The following GTPBP4 variants were observed in gnomAD, a reference collection of about 807,000 sequenced individuals.
GTPBP4 encodes the protein GTP-binding protein 4.
In GTPBP4, 15 loss-of-function variants were observed where a neutral mutation model predicts 81.7. The ratio of observed to expected loss-of-function variants is 0.18; its 90% CI spans 0.12 to 0.28. The LOEUF (loss-of-function observed/expected upper bound fraction) is 0.28. Among genes scored for constraint, GTPBP4 ranks in the 10% least tolerant of loss-of-function variants. The probability of loss-of-function intolerance (pLI) is 1.00; values close to 1 mark genes in which losing one functional copy is unlikely to be tolerated. For missense variants in GTPBP4, 847 were observed against 793.8 expected (o/e 1.07, Z -0.81); for synonymous variants, 272 against 274.6 (o/e 0.99, Z 0.09).
chr10:989,095 C>T (rs1304709947), intron 1 of GTPBP4: 1 of 147,474 alleles, frequency 6.8e-6, no homozygotes, highest in African/African-American at 2.5e-5. Flanking sequence ...AATGAGTCAA[C>T]AAGTGTTGAG....
chr10:995,981 A>G lies in GTPBP4; in HGVS notation c.272A>G (p.His91Arg), dbSNP rs748194519. 5.6e-6 allele frequency: 9 copies of G among 1,612,370 alleles called. No individual in the cohort carries two copies. The highest frequency in any genetic ancestry group is 6.8e-6 in the Non-Finnish European group (8 of 1,178,462). ...DLMNILYDKD[H>R]YKLALGQINI... ...ATGAATATTCTCTACGACAAGGATC[A>G]TTACAAGTTGGCTCTGGGGCAAATA... Residue 91 changes from histidine (H) to arginine (R), a missense_variant, in exon 3 of 17, where the codon CAT (histidine) becomes CGT (arginine). Around this residue, in one of 3 missense-constraint regions of GTPBP4, gnomAD observed 241 missense variants for 216.3 expected, o/e 1.11. Coordinates refer to ENST00000360803, the MANE Select transcript of GTPBP4 (RefSeq NM_012341.3).
chr10:989,600 G>C (rs1311234871), intron 1 of GTPBP4, among the ~76,000 whole-genome samples: 1 of 152,172 alleles, frequency 6.6e-6, no homozygotes, highest in Admixed American at 6.5e-5. Flanking sequence ...AGGTCTCAAG[G>C]ACGGGATGAG....
rs765047349 is a variant in GTPBP4, at chr10:996,254, G to C, written c.460+12G>C. 6.2e-7 allele frequency: 1 copy of C among 1,606,590 alleles called. No individual in the cohort carries two copies. The highest frequency in any genetic ancestry group is 8.5e-7 in the Non-Finnish European group (1 of 1,176,070). ...GTATTTGGAGCAAGGTGCTTGTCAC[G>C]CATCCGCGGGAACCGTGCTAGCATC... On this transcript the variant is annotated intron_variant, in intron 4 of 16. Transcript: ENST00000360803.
intron 1 of GTPBP4, 53 bp downstream of exon 1, chr10:988,580 C>A (rs1244619820): frequency 1.4e-6 from 2 of 1,399,350 alleles, no homozygotes; most frequent in African/African-American, 1.4e-5. Context: ...TCAGCTGGGT[C>A]CCCGGGGAGG....
intron 12 of GTPBP4, among the ~76,000 whole-genome samples, chr10:1,010,056 G>C (rs1694935450): frequency 6.6e-6 from 1 of 151,674 alleles, no homozygotes; most frequent in Non-Finnish European, 1.5e-5. Flanking sequence ...TGTTGTTTTG[G>C]GATGGTGGGG....
At chr10:996,085 A>G in intron 3 of GTPBP4, 21 bp from the exon 4 acceptor site, 1 of 1,588,756 alleles carries the variant, frequency 6.3e-7, no homozygotes, top group Non-Finnish European at 8.6e-7. Flanking sequence ...TGGAAAAAAT[A>G]ATATTTTTTA....
rs932693734 is a variant in GTPBP4 at position 1,017,396 on chromosome 10, T to G, written c.*169T>G. Reference sequence around the variant, plus strand: ...GTTAACCCTATATAGGTGTGGGAAATTTTTGTCACTGCATAATATTACAAA... The same window carrying G: ...GTTAACCCTATATAGGTGTGGGAAAGTTTTGTCACTGCATAATATTACAAA... On this transcript the variant is annotated 3_prime_UTR_variant, in exon 17 of 17. Coordinates refer to ENST00000360803, the MANE Select transcript of GTPBP4 (RefSeq NM_012341.3). 7.8e-6 allele frequency: 4 copies of G among 515,748 alleles called. No homozygotes were observed. In the Admixed American group the frequency reaches 1.4e-4, roughly 18 times the overall value. 31.9% of individuals were successfully genotyped at this position (515,748 alleles called of 1,614,324 possible).
intron 15 of GTPBP4, among the ~76,000 whole-genome samples, chr10:1,014,583 TG>T (rs1256175997): frequency 2.6e-5 from 4 of 152,098 alleles, no homozygotes; most frequent in Non-Finnish European, 5.9e-5. Flanking sequence ...TGCTTGAACT[TG>T]GGAGGCAGAG....
chr10:1,007,470 C>T (rs1831763901), intron 10 of GTPBP4: 1 of 232,840 alleles, frequency 4.3e-6, no homozygotes, highest in African/African-American at 2.3e-5. Context: ...GGAAGTAGCT[C>T]ACGCCTGTAA....
intron 2 of GTPBP4, among the ~76,000 whole-genome samples, chr10:995,270 A>G (rs1003612757): frequency 3.3e-5 from 5 of 152,204 alleles, no homozygotes; most frequent in Non-Finnish European, 5.9e-5. Context: ...TAGCCAGCAC[A>G]GGACTTAGAG....
chr10:1,019,875 A>G lies in GTPBP4; in HGVS notation c.*2648A>G, dbSNP rs750931570. ...GGTGCAGTGTTAACAACGCTAATGT[A>G]AAACACAGAATTTACAGAAAAATAG... is the stretch of plus-strand genomic sequence containing the variant. On this transcript the variant is annotated 3_prime_UTR_variant, in exon 17 of 17. Transcript: ENST00000360803. 10 of 1,346,212 alleles carry G rather than the reference A, an allele frequency of 7.4e-6. No individual in the cohort carries two copies. The highest frequency in any genetic ancestry group is 1.8e-5 in the Admixed American group (1 of 56,712). 83.4% of individuals were successfully genotyped at this position (1,346,212 alleles called of 1,614,324 possible).
intron 11 of GTPBP4, 25 bp from the exon 12 acceptor site, chr10:1,009,504 A>G (rs762948396): frequency 6.5e-7 from 1 of 1,543,008 alleles, no homozygotes; most frequent in Non-Finnish European, 9.0e-7. Context: ...AATGAAGCTG[A>G]TGATAATTTC....
chr10:997,073 C>T, intron 4 of GTPBP4, 135 bp from the exon 5 acceptor site: 1 of 683,082 alleles, frequency 1.5e-6, no homozygotes, highest in South Asian at 1.7e-5. Flanking sequence ...CTATTTTCTC[C>T]ATCACTTTTG....
chr10:1,019,649 C>A lies in GTPBP4; in HGVS notation c.*2422C>A, dbSNP rs758583790. Reference sequence around the variant, plus strand: ...CTTTGACTTCACCCCTCGCCTCCCTCTCCAGCAGCTCCCACAGCTCCTCCT... The same window carrying A: ...CTTTGACTTCACCCCTCGCCTCCCTATCCAGCAGCTCCCACAGCTCCTCCT... On this transcript the variant is annotated 3_prime_UTR_variant, in exon 17 of 17. Coordinates refer to ENST00000360803, the MANE Select transcript of GTPBP4 (RefSeq NM_012341.3). The A allele has an allele frequency of 1.9e-6, 3 of 1,614,090 alleles. No individual in the cohort carries two copies. The highest frequency in any genetic ancestry group is 2.5e-6 in the Non-Finnish European group (3 of 1,180,026).
At position 1,005,687 on chromosome 10, in the gene GTPBP4, T is replaced by G. The variant is rs540451073; in HGVS notation, c.913-131T>G. The G allele has an allele frequency of 2.7e-5, 17 of 635,464 alleles. No homozygotes were observed. In the Admixed American group the frequency reaches 4.0e-4, roughly 15 times the overall value. The allele number at this position is 635,464 out of a possible 1,614,324, so 39.4% of individuals were successfully genotyped here. Reference sequence around the variant, plus strand: ...AGAAAATAACTGTTTTTAGGATATGTCTGTTTTTTAAGACTTTGAAACAAC... The same window carrying G: ...AGAAAATAACTGTTTTTAGGATATGGCTGTTTTTTAAGACTTTGAAACAAC... On this transcript the variant is annotated intron_variant, in intron 8 of 16. Transcript: ENST00000360803.
rs570491952 is a variant in GTPBP4, at chr10:1,015,683, G to A, written c.1609-70G>A. ...CCTGGGAGTGGACCTGGGGTCCTGA[G>A]CGCTGAGCACTGAGCCTGGGAGTGG... On this transcript the variant is annotated intron_variant, in intron 15 of 16. Transcript: ENST00000360803. 5.7e-4 allele frequency: 278 copies of A among 490,778 alleles called. 59 individuals carry two copies. The African/African-American group carries it at 0.017, about 30-fold the overall frequency. The allele number at this position is 490,778 out of a possible 1,614,324, so 30.4% of individuals were successfully genotyped here.
chr10:1,017,293 G>A lies in GTPBP4; in HGVS notation c.*66G>A. 1 of 1,428,518 alleles carries A rather than the reference G, an allele frequency of 7.0e-7. No homozygotes were observed. The highest frequency in any genetic ancestry group is 1.3e-5 in the South Asian group (1 of 79,904). 88.5% of individuals were successfully genotyped at this position (1,428,518 alleles called of 1,614,324 possible). A position where few individuals can be genotyped will look rare whatever the true frequency, so the allele number is the denominator to read the frequency against. On this transcript the variant is annotated 3_prime_UTR_variant, in exon 17 of 17. Coordinates refer to ENST00000360803, the MANE Select transcript of GTPBP4 (RefSeq NM_012341.3). ...TTATTTCCTGGTTTGGCACAGTATG[G>A]TTTCATGAAATTGGAGCTCTGTATA...
chr10:1,008,773 G>C (rs1831796880), intron 10 of GTPBP4, 185 bp from the exon 11 acceptor site: 1 of 602,264 alleles, frequency 1.7e-6, no homozygotes, highest in African/African-American at 1.8e-5. Flanking sequence ...ATAATCTGTT[G>C]GTTGTTAATT....
At position 1,019,443 on chromosome 10, in the gene GTPBP4, G is replaced by A. The variant is rs1489300901; in HGVS notation, c.*2216G>A. ...CCTTTTGCCCTGTTTTTTGGAGAGG[G>A]TGTATCATTGCCTCAATGGTGCGTC... On this transcript the variant is annotated 3_prime_UTR_variant, in exon 17 of 17. Coordinates refer to ENST00000360803, the MANE Select transcript of GTPBP4 (RefSeq NM_012341.3). 6 of 1,210,424 alleles carry A rather than the reference G, an allele frequency of 5.0e-6. No individual in the cohort carries two copies. In the African/African-American group the frequency reaches 7.6e-5, roughly 15 times the overall value. 75.0% of individuals were successfully genotyped at this position (1,210,424 alleles called of 1,614,324 possible). A position where few individuals can be genotyped will look rare whatever the true frequency, so the allele number is the denominator to read the frequency against.
Sources: allele counts gnomAD v4.1 joint callset (sites outside exome capture counted in the v4.1 genomes callset), GRCh38; gene constraint gnomAD v4.1.1; regional missense constraint gnomAD v4.1.1; transcripts MANE v1.5; gene names NCBI Gene and HGNC (gene_info 2026-07-23, HGNC 2026-07-21).